DPP10: variants seen among roughly 807,000 people sequenced by gnomAD.
DPP10 encodes inactive dipeptidyl peptidase 10.
DPP10 carries 33 observed loss-of-function variants against 120.9 expected under a neutral mutation model. The ratio of observed to expected loss-of-function variants is 0.27; its 90% CI spans 0.21 to 0.37. DPP10 has a LOEUF of 0.37. DPP10 is among the 10% of genes least tolerant of loss of function. The probability of loss-of-function intolerance (pLI) is 1.00; values close to 1 mark genes in which losing one functional copy is unlikely to be tolerated. For missense variants in DPP10, 816 were observed against 942.8 expected, an observed-to-expected ratio of 0.87 and a Z score of 1.76; for synonymous variants, 337 against 326.1, an observed-to-expected ratio of 1.03 and a Z score of -0.36.
rs72953505 is a variant in DPP10 at position 114,589,960 on chromosome 2, A to G, written c.60+147122A>G. On this transcript the variant is annotated intron_variant, in intron 1 of 25. Coordinates refer to ENST00000410059, the MANE Select transcript of DPP10 (RefSeq NM_020868.6). Reference sequence around the variant, plus strand: ...GGGATAAAATAGATGCTGGAGATCTAATGATGATTCAGATATGACCCTAAT... The same window carrying G: ...GGGATAAAATAGATGCTGGAGATCTGATGATGATTCAGATATGACCCTAAT... Among the ~76,000 whole-genome samples the G allele has an allele frequency of 4.8e-3, 726 of 152,206 alleles. 8 individuals are homozygous for G. Among genetic ancestry groups the G allele is most frequent in the African/African-American group, 0.017 (703 of 41,556 alleles).
chr2:114,821,321 G>T (rs1482125721), intron 1 of DPP10, among the ~76,000 whole-genome samples: 2 of 152,162 alleles, frequency 1.3e-5, no homozygotes, highest in Non-Finnish European at 2.9e-5. Context: ...AAGGATAAGA[G>T]GACAATGGTG....
At chr2:115,764,674 A>G (rs547478929) in intron 12 of DPP10, among the ~76,000 whole-genome samples, 1 of 152,172 alleles carries the variant, frequency 6.6e-6, no homozygotes, top group Non-Finnish European at 1.5e-5. Flanking sequence ...ATGAATGTTT[A>G]ATAGAAACTT....
intron 1 of DPP10, among the ~76,000 whole-genome samples, chr2:114,537,504 T>C (rs1686605720): frequency 6.6e-6 from 1 of 150,634 alleles, no homozygotes; most frequent in Admixed American, 6.6e-5. Context: ...AAGGGAGACT[T>C]TTTTTTTTGG....
At chr2:114,465,576 G>A (rs185602778) in intron 1 of DPP10, among the ~76,000 whole-genome samples, 25 of 152,214 alleles carry the variant, frequency 1.6e-4, no homozygotes, top group Admixed American at 4.6e-4. Flanking sequence ...CAATATTCCT[G>A]CAAGTTCACC....
At chr2:115,372,764 A>C (rs1046488400) in intron 3 of DPP10, among the ~76,000 whole-genome samples, 2 of 152,220 alleles carry the variant, frequency 1.3e-5, no homozygotes, top group Admixed American at 1.3e-4. Flanking sequence ...AGAGTAATGT[A>C]AGCGTTGCAC....
chr2:115,037,582 G>A (rs1206391284), intron 1 of DPP10, among the ~76,000 whole-genome samples: 2 of 152,162 alleles, frequency 1.3e-5, no homozygotes, highest in Admixed American at 1.3e-4. Context: ...GCAACTACAT[G>A]AGACGTACCA....
intron 1 of DPP10, among the ~76,000 whole-genome samples, chr2:115,157,238 A>G (rs2104935147): frequency 6.9e-6 from 1 of 144,170 alleles, no homozygotes; most frequent in South Asian, 2.3e-4. Context: ...GAGGTTTTAA[A>G]TATAGCAAAA....
Position 115,452,359 on chromosome 2 carries a change from T to C in DPP10, c.272-47151T>C, listed in dbSNP as rs1389529982. Reference sequence around the variant, plus strand: ...ATCTAGGCCTTCAGTTTAAACAAATTGGTTAAATAGGGGCTGTGGCTCCCA... The same window carrying C: ...ATCTAGGCCTTCAGTTTAAACAAATCGGTTAAATAGGGGCTGTGGCTCCCA... On this transcript the variant is annotated intron_variant, in intron 3 of 25. Transcript: ENST00000410059. 2.0e-5 allele frequency among the ~76,000 whole-genome samples: 3 copies of C among 151,830 alleles called. No homozygotes were observed. The East Asian group carries it at 5.8e-4, about 29-fold the overall frequency.
chr2:114,884,601 T>C (rs1279729068), intron 1 of DPP10, among the ~76,000 whole-genome samples: 1 of 152,092 alleles, frequency 6.6e-6, no homozygotes, highest in Non-Finnish European at 1.5e-5. Context: ...CAGGTGGTGT[T>C]TGGTTATATG....
intron 1 of DPP10, among the ~76,000 whole-genome samples, chr2:114,689,047 G>T (rs1171863404): frequency 6.7e-6 from 1 of 149,478 alleles, no homozygotes; most frequent in East Asian, 2.0e-4. Context: ...TCCGTGGTTT[G>T]TTTTTTTTTA....
At chr2:114,835,982 C>T (rs1176588353) in intron 1 of DPP10, among the ~76,000 whole-genome samples, 8 of 152,138 alleles carry the variant, frequency 5.3e-5, no homozygotes, top group African/African-American at 1.9e-4. Context: ...CCTCTTCCCA[C>T]ATTTAAACTA....
chr2:115,799,907 G>C (rs1454139656), intron 19 of DPP10, among the ~76,000 whole-genome samples: 1 of 151,992 alleles, frequency 6.6e-6, no homozygotes, highest in African/African-American at 2.4e-5. Flanking sequence ...GTGTGCATGT[G>C]TCTTTATAGC....
At chr2:114,676,469 C>T (rs553912996) in intron 1 of DPP10, among the ~76,000 whole-genome samples, 6 of 152,202 alleles carry the variant, frequency 3.9e-5, no homozygotes, top group South Asian at 2.1e-4. Context: ...GCTAATCAAA[C>T]ATTGGCACAT....
chr2:115,046,662 T>C (rs1020684390), intron 1 of DPP10, among the ~76,000 whole-genome samples: 13 of 152,098 alleles, frequency 8.5e-5, no homozygotes, highest in Non-Finnish European at 1.9e-4. Flanking sequence ...GGAAAATACC[T>C]TGTAAACGAT....
chr2:115,416,874 GAGA>G (rs899254917), intron 3 of DPP10, among the ~76,000 whole-genome samples: 1 of 152,154 alleles, frequency 6.6e-6, no homozygotes, highest in Non-Finnish European at 1.5e-5. Flanking sequence ...TGAAATTTCT[GAGA>G]AGATTAATAG....
At chr2:115,061,946 T>G (rs948497263) in intron 1 of DPP10, among the ~76,000 whole-genome samples, 3 of 151,472 alleles carry the variant, frequency 2.0e-5, no homozygotes, top group African/African-American at 4.9e-5. Context: ...GTTAAAATTG[T>G]TTTTTTTCCC....
intron 1 of DPP10, among the ~76,000 whole-genome samples, chr2:114,532,519 T>C (rs927884056): frequency 6.6e-6 from 1 of 151,836 alleles, no homozygotes; most frequent in African/African-American, 2.4e-5. Flanking sequence ...ATATGGCCAG[T>C]GTCTTAGAAA....
intron 1 of DPP10, among the ~76,000 whole-genome samples, chr2:115,155,236 A>G (rs887713568): frequency 6.6e-6 from 1 of 152,154 alleles, no homozygotes. Context: ...AATATTAGAA[A>G]CTAAAGGCAT....
intron 1 of DPP10, among the ~76,000 whole-genome samples, chr2:114,589,310 G>A (rs1215611354): frequency 6.6e-6 from 1 of 152,134 alleles, no homozygotes; most frequent in East Asian, 1.9e-4. Context: ...GAGGCTGTAG[G>A]CACTTGCTGC....
Sources: gnomAD v4.1 joint callset for allele counts (sites outside exome capture counted in the v4.1 genomes callset) on GRCh38, gnomAD v4.1.1 for gene constraint, MANE v1.5 for transcripts, NCBI Gene and HGNC (gene_info 2026-07-23, HGNC 2026-07-21) for gene names.